The following TFPI variants were observed in gnomAD, a reference collection of about 807,000 sequenced individuals.
TFPI encodes anti-convertin.
Under a neutral mutation model 34.6 loss-of-function variants are expected in TFPI, and 15 were observed. The observed-to-expected ratio is 0.43, with a 90% confidence interval of 0.29 to 0.67. The LOEUF is 0.67. TFPI is among the 30% of genes least tolerant of loss of function. The pLI, the probability that TFPI is intolerant of heterozygous loss-of-function variation, is 0.15. For synonymous variants in TFPI, 105 were observed against 120.1 expected (o/e 0.87, Z 0.82); for missense variants, 301 against 364.0 (o/e 0.83, Z 1.41).
chr2:187,534,131 T>C (rs1688119209), intron 1 of TFPI, among the ~76,000 whole-genome samples: 1 of 151,976 alleles, frequency 6.6e-6, no homozygotes, highest in Admixed American at 6.6e-5. Context: ...TGGAAAGAAG[T>C]TGGAGAACAC....
At chr2:187,505,617 G>A (rs555888743) in intron 1 of TFPI, among the ~76,000 whole-genome samples, 1 of 152,128 alleles carries the variant, frequency 6.6e-6, no homozygotes, top group Admixed American at 6.6e-5. Context: ...TAAACCTTAA[G>A]AGTTTTTCAA....
Position 187,524,067 on chromosome 2 carries a change from C to G in TFPI, c.-2-20297G>C, listed in dbSNP as rs532228923. ...ATACTGTTTTCAGGCTCCATTCATG[C>G]TGTAGCATATATGATTGCTTTCTTT... On this transcript the variant is annotated intron_variant, in intron 1 of 7. Coordinates refer to ENST00000233156, the MANE Select transcript of TFPI (RefSeq NM_006287.6). Among the ~76,000 whole-genome samples the G allele has an allele frequency of 1.5e-3, 235 of 152,186 alleles. 1 individual carries two copies. Among genetic ancestry groups the G allele is most frequent in the African/African-American group, 5.5e-3 (227 of 41,500 alleles).
intron 6 of TFPI, among the ~76,000 whole-genome samples, chr2:187,479,674 C>T (rs1692693551): frequency 6.8e-6 from 1 of 148,110 alleles, no homozygotes; most frequent in Non-Finnish European, 1.5e-5. Context: ...TAAGTCAATG[C>T]ATACATATAT....
chr2:187,496,460 A>G (rs1435283163), intron 3 of TFPI, among the ~76,000 whole-genome samples: 1 of 152,134 alleles, frequency 6.6e-6, no homozygotes, highest in Admixed American at 6.6e-5. Flanking sequence ...TTTTAAAAAT[A>G]CTTCACAATT....
chr2:187,506,500 A>G (rs1686230888), intron 1 of TFPI, among the ~76,000 whole-genome samples: 1 of 152,144 alleles, frequency 6.6e-6, no homozygotes, highest in Non-Finnish European at 1.5e-5. Flanking sequence ...ATGTTAATCA[A>G]ATATCCTTAT....
intron 1 of TFPI, among the ~76,000 whole-genome samples, chr2:187,504,832 T>C (rs1330864367): frequency 6.6e-6 from 1 of 152,120 alleles, no homozygotes; most frequent in African/African-American, 2.4e-5. Flanking sequence ...GTTTTGTCTG[T>C]AGCAGATCAC....
At chr2:187,485,098 A>T (rs1256663345) in intron 4 of TFPI, 111 bp from the exon 5 acceptor site, 2 of 807,232 alleles carry the variant, frequency 2.5e-6, no homozygotes, top group Non-Finnish European at 3.4e-6. Context: ...AAGCATAAAA[A>T]TTAAAAAGTA....
intron 6 of TFPI, among the ~76,000 whole-genome samples, chr2:187,471,104 G>A (rs1488844862): frequency 6.6e-6 from 1 of 152,188 alleles, no homozygotes; most frequent in East Asian, 1.9e-4. Flanking sequence ...TTAACTTTTA[G>A]AGGTTTTTAA....
rs1313732332 is a variant in TFPI at position 187,464,276 on chromosome 2, TATA to T, written c.*2657_*2659del. ...ATTTTACTTCTTATAATGTAAAAAA[TATA>T]ATCGTTTGAGTGGTTTTCAGCATGA... is the stretch of plus-strand genomic sequence containing the variant. On this transcript the variant is annotated 3_prime_UTR_variant, in exon 8 of 8. Transcript: ENST00000233156. The T allele has an allele frequency of 3.3e-5, 5 of 152,112 alleles. No individual in the cohort carries two copies. The highest frequency in any genetic ancestry group is 2.9e-5 in the Non-Finnish European group (2 of 68,002). The allele number at this position is 152,112 out of a possible 1,614,324, so 9.4% of individuals were successfully genotyped here.
chr2:187,543,961 G>A lies in TFPI; in HGVS notation c.-3+10239C>T, dbSNP rs149378370. ...ATAAAATTTATCTGCTGTGTATGAT[G>A]GAAATAAAAATATAGGAAAAACCTG... On this transcript the variant is annotated intron_variant, in intron 1 of 7. Coordinates refer to ENST00000233156, the MANE Select transcript of TFPI (RefSeq NM_006287.6). Among the ~76,000 whole-genome samples the A allele has an allele frequency of 4.5e-3, 689 of 152,202 alleles. 1 individual carries two copies. The highest frequency in any genetic ancestry group is 7.4e-3 in the Non-Finnish European group (505 of 68,014).
In TFPI at chr2:187,504,022, A is replaced by G. The variant is rs534375214; in HGVS notation, c.-2-252T>C. ...CAAACAGGTCATATTTCAACTTTGA[A>G]AATATAAATAAAAAGGACAGTAATT... On this transcript the variant is annotated intron_variant, in intron 1 of 7. Coordinates refer to ENST00000233156, the MANE Select transcript of TFPI (RefSeq NM_006287.6). Among the ~76,000 whole-genome samples the G allele has an allele frequency of 7.2e-5, 11 of 152,276 alleles. No homozygotes were observed. The East Asian group carries it at 1.9e-3, about 27-fold the overall frequency.
At chr2:187,533,818 A>G (rs1688102989) in intron 1 of TFPI, among the ~76,000 whole-genome samples, 1 of 152,234 alleles carries the variant, frequency 6.6e-6, no homozygotes, top group Non-Finnish European at 1.5e-5. Context: ...AAGAACCTTG[A>G]AAAAAGTATG....
intron 6 of TFPI, chr2:187,478,634 C>T (rs761930279): frequency 9.4e-6 from 15 of 1,601,336 alleles, no homozygotes; most frequent in South Asian, 3.4e-5. Flanking sequence ...AAAGGCATCA[C>T]GTATACATAT....
At chr2:187,552,157 T>C (rs1185054424) in intron 1 of TFPI, among the ~76,000 whole-genome samples, 1 of 152,092 alleles carries the variant, frequency 6.6e-6, no homozygotes, top group African/African-American at 2.4e-5. Flanking sequence ...TTGCATTTTT[T>C]TTCTTGTATT....
rs536907114 is a variant in TFPI at position 187,504,593 on chromosome 2, G to A, written c.-2-823C>T. The stretch of plus-strand genomic sequence containing the variant: ...AAAAAAAAAAAAAGAAAAGAAAGAA[G>A]TAAGTCACCTTTATTTTTTTAAAGA... On this transcript the variant is annotated intron_variant, in intron 1 of 7. Coordinates refer to ENST00000233156, the MANE Select transcript of TFPI (RefSeq NM_006287.6). Among the ~76,000 whole-genome samples, 286 of 150,796 alleles carry A rather than the reference G, an allele frequency of 1.9e-3. 1 individual carries two copies. The highest frequency in any genetic ancestry group is 2.8e-3 in the Admixed American group (42 of 15,144).
intron 1 of TFPI, among the ~76,000 whole-genome samples, chr2:187,513,428 T>G (rs964868417): frequency 5.9e-5 from 9 of 152,224 alleles, no homozygotes; most frequent in African/African-American, 1.9e-4. Flanking sequence ...AAGGTGAAAT[T>G]TACTTATCTG....
intron 3 of TFPI, 71 bp from the exon 4 acceptor site, chr2:187,488,446 CAAACA>C (rs1195100924): frequency 1.6e-5 from 16 of 991,344 alleles, no homozygotes; most frequent in African/African-American, 5.1e-5. Flanking sequence ...TTGAATTTAA[CAAACA>C]AGAGTGACAT....
chr2:187,498,302 A>G (rs1409170252), intron 2 of TFPI, among the ~76,000 whole-genome samples: 1 of 151,862 alleles, frequency 6.6e-6, no homozygotes, highest in Non-Finnish European at 1.5e-5. Flanking sequence ...TTTTTGAAAC[A>G]GAAAATATGT....
At chr2:187,529,946 A>G (rs1472951526) in intron 1 of TFPI, among the ~76,000 whole-genome samples, 2 of 152,214 alleles carry the variant, frequency 1.3e-5, no homozygotes, top group African/African-American at 4.8e-5. Flanking sequence ...CTTATGTTGT[A>G]CATTTTATGA....
Sources: gnomAD v4.1 joint callset for allele counts (sites outside exome capture counted in the v4.1 genomes callset) on GRCh38, gnomAD v4.1.1 for gene constraint, MANE v1.5 for transcripts, NCBI Gene and HGNC (gene_info 2026-07-23, HGNC 2026-07-21) for gene names.